Variants in BRWD3 observed in about 807,000 individuals in gnomAD.
BRWD3 encodes the protein bromodomain and WD repeat-containing protein 3.
Under a neutral mutation model 149.7 loss-of-function variants are expected in BRWD3, and 10 were observed. The observed-to-expected ratio is 0.07, with a 90% CI of 0.04 to 0.11. The LOEUF (loss-of-function observed/expected upper bound fraction) is 0.11. BRWD3 is among the 10% of genes least tolerant of loss of function. The pLI is 1.00. For missense variants in BRWD3, 940 were observed against 1,373.2 expected (o/e 0.68, Z 4.99); for synonymous variants, 504 against 456.7 (o/e 1.10, Z -1.32).
At chrX:80,707,292 C>G (rs2072880323) in intron 22 of BRWD3, 135 bp downstream of exon 22, 1 of 585,101 alleles carries the variant, frequency 1.7e-6, no homozygotes, top group Admixed American at 3.1e-5. Context: ...CACATCAGGT[C>G]TCTCGGCTTC....
intron 6 of BRWD3, among the ~76,000 whole-genome samples, chrX:80,760,698 C>T (rs2073793683): frequency 8.9e-6 from 1 of 111,951 alleles, no homozygotes; most frequent in Non-Finnish European, 1.9e-5. Flanking sequence ...GCTTTCCTTA[C>T]TCTGTGACAT....
intron 26 of BRWD3, 119 bp from the exon 27 acceptor site, chrX:80,696,109 T>A: frequency 1.7e-6 from 1 of 572,079 alleles, no homozygotes; most frequent in East Asian, 3.7e-5. Context: ...AACCTCACAG[T>A]CCCTAGAAAT....
rs138582490 is a variant in BRWD3, at chrX:80,728,373, C to T, written c.1386+379G>A. On this transcript the variant is annotated intron_variant, in intron 14 of 40. Transcript: ENST00000373275. ...TTTCTTTTCCTACTTCTTCCTCTTA[C>T]CCCTATTCCTTGAAAAAACTATGTA... 2.8e-4 allele frequency among the ~76,000 whole-genome samples: 31 copies of T among 111,273 alleles called. No individual in the cohort carries two copies. In the East Asian group the frequency reaches 7.3e-3, roughly 26 times the overall value.
At chrX:80,757,521 A>G (rs1449337253) in intron 6 of BRWD3, among the ~76,000 whole-genome samples, 4 of 112,607 alleles carry the variant, frequency 3.6e-5, no homozygotes, top group Admixed American at 9.4e-5. Flanking sequence ...CCTTTTGAGA[A>G]AAACAATTCT....
intron 25 of BRWD3, among the ~76,000 whole-genome samples, chrX:80,698,708 T>TAAA (rs5902803): frequency 1.7e-4 from 16 of 94,805 alleles, no homozygotes; most frequent in Non-Finnish European, 2.9e-4. Flanking sequence ...GACTCTGTCT[T>TAAA]AAAAAAAAAA....
chrX:80,690,923 A>T, intron 31 of BRWD3, 130 bp downstream of exon 31: 1 of 805,708 alleles, frequency 1.2e-6, no homozygotes, highest in Non-Finnish European at 1.8e-6. Context: ...AATGTTCTAA[A>T]TTTTTAAAGG....
intron 12 of BRWD3, among the ~76,000 whole-genome samples, chrX:80,730,849 T>C (rs890056790): frequency 1.8e-5 from 2 of 112,109 alleles, no homozygotes; most frequent in Admixed American, 9.5e-5. Flanking sequence ...AGCTTAACTG[T>C]ATTTCGTAGA....
rs1329050428 is a variant in BRWD3, at chrX:80,809,608, T to G, written c.-137A>C. 8 of 455,476 alleles carry G rather than the reference T, an allele frequency of 1.8e-5. No homozygotes were observed. Among genetic ancestry groups the G allele is most frequent in the Non-Finnish European group, 2.7e-5 (7 of 259,166 alleles). The allele number at this position is 455,476 out of a possible 1,213,427, so 37.5% of individuals were successfully genotyped here. A position where few individuals can be genotyped will look rare whatever the true frequency, so the allele number is the denominator to read the frequency against. ...GCCGCACTCCTCGTCCTAGTTTCGC[T>G]CTCTCTCGAATTCATCGCATCACGT... On this transcript the variant is annotated 5_prime_UTR_variant, in exon 1 of 41. Coordinates refer to ENST00000373275, the MANE Select transcript of BRWD3 (RefSeq NM_153252.5).
chrX:80,693,159 TA>T (rs2072634796), intron 27 of BRWD3, 108 bp from the exon 28 acceptor site: 2 of 580,072 alleles, frequency 3.4e-6, no homozygotes, highest in East Asian at 6.6e-5. Flanking sequence ...TCTAGCATTA[TA>T]AGAAGCTTCC....
intron 6 of BRWD3, among the ~76,000 whole-genome samples, chrX:80,766,977 C>T (rs747079361): frequency 1.1e-4 from 12 of 112,469 alleles, no homozygotes; most frequent in Admixed American, 1.9e-4. Flanking sequence ...CCTGTCTCTG[C>T]GAATCCCAAG....
chrX:80,790,634 A>G (rs1307966720), intron 6 of BRWD3, among the ~76,000 whole-genome samples: 1 of 110,463 alleles, frequency 9.1e-6, no homozygotes, highest in Non-Finnish European at 1.9e-5. Context: ...TAGTTAAAAG[A>G]AAAAAAAAGC....
At chrX:80,726,342 TGTCTGTATAACATATAAC>T (rs1470004532) in intron 14 of BRWD3, among the ~76,000 whole-genome samples, 25,404 of 104,406 alleles carry the variant, frequency 0.24, 2,820 homozygotes, top group South Asian at 0.56. Context: ...TTACATGTTA[TGTCTGTATAACATATAAC>T]ATGTTTACAT....
At chrX:80,790,336 GA>G (rs763726740) in intron 6 of BRWD3, among the ~76,000 whole-genome samples, 11 of 110,618 alleles carry the variant, frequency 9.9e-5, no homozygotes, top group Non-Finnish European at 2.1e-4. Context: ...TCACAAACTG[GA>G]AAGATTTCAT....
intron 20 of BRWD3, among the ~76,000 whole-genome samples, chrX:80,712,201 C>T (rs994744832): frequency 6.3e-5 from 7 of 111,784 alleles, no homozygotes; most frequent in Non-Finnish European, 1.3e-4. Flanking sequence ...GATGCCGAGC[C>T]GAAGCTGGAC....
intron 6 of BRWD3, among the ~76,000 whole-genome samples, chrX:80,785,873 C>G (rs757969942): frequency 9.0e-6 from 1 of 111,561 alleles, no homozygotes; most frequent in South Asian, 3.7e-4. Flanking sequence ...ACTAAAAACA[C>G]AAAAAAGTTA....
chrX:80,754,140 A>G (rs1403082854), intron 6 of BRWD3, among the ~76,000 whole-genome samples: 1 of 112,267 alleles, frequency 8.9e-6, no homozygotes, highest in African/African-American at 3.2e-5. Flanking sequence ...TGTTTTTTAC[A>G]GTCCATGAGC....
intron 31 of BRWD3, among the ~76,000 whole-genome samples, chrX:80,690,515 G>A (rs919159211): frequency 9.0e-6 from 1 of 111,400 alleles, no homozygotes; most frequent in Non-Finnish European, 1.9e-5. Flanking sequence ...AATACAACCA[G>A]TTCTCAATTG....
intron 14 of BRWD3, among the ~76,000 whole-genome samples, chrX:80,726,184 C>A (rs1227733662): frequency 8.6e-5 from 9 of 105,216 alleles, no homozygotes; most frequent in African/African-American, 2.7e-4. Flanking sequence ...GTCTGTATAA[C>A]ATATAACACG....
chrX:80,776,013 C>G, intron 6 of BRWD3, among the ~76,000 whole-genome samples: 1 of 112,069 alleles, frequency 8.9e-6, no homozygotes, highest in South Asian at 3.7e-4. Flanking sequence ...ATAGCAGAGG[C>G]TCAATCTAGG....
Sources: gnomAD v4.1 joint callset for allele counts (sites outside exome capture counted in the v4.1 genomes callset) on GRCh38, gnomAD v4.1.1 for gene constraint, MANE v1.5 for transcripts, NCBI Gene and HGNC (gene_info 2026-07-23, HGNC 2026-07-21) for gene names.